FHIT: variants seen among roughly 807,000 people sequenced by gnomAD.
The protein encoded by FHIT is bis(5'-adenosyl)-triphosphatase.
A neutral mutation model predicts 17.9 loss-of-function variants in FHIT; 19 were observed. The observed-to-expected ratio is 1.06, with a 90% CI of 0.74 to 1.56. FHIT has a LOEUF of 1.56. FHIT is among the 40% of genes most tolerant of loss of function. The probability of loss-of-function intolerance (pLI) is 0.00; values close to 1 mark genes in which losing one functional copy is unlikely to be tolerated. For missense variants in FHIT, 248 were observed against 189.2 expected (o/e 1.31, Z -1.82); for synonymous variants, 81 against 69.7 (o/e 1.16, Z -0.81).
At position 59,922,252 on chromosome 3, in the gene FHIT, A is replaced by G; in HGVS notation, c.348+94T>C. 3.6e-6 allele frequency: 4 copies of G among 1,101,108 alleles called. No homozygotes were observed. The South Asian group carries it at 5.3e-5, about 15-fold the overall frequency. The allele number at this position is 1,101,108 out of a possible 1,614,324, so 68.2% of individuals were successfully genotyped here. A position where few individuals can be genotyped will look rare whatever the true frequency, so the allele number is the denominator to read the frequency against. On this transcript the variant is annotated intron_variant, in intron 8 of 9. Coordinates refer to ENST00000492590, the MANE Select transcript of FHIT (RefSeq NM_002012.4). ...CTGGCTAAATAGAATTCCATTTCAG[A>G]CCATATCTAGGGTAATACTTGATTC...
intron 5 of FHIT, among the ~76,000 whole-genome samples, chr3:60,118,783 G>C (rs112569237): frequency 0.028 from 3,167 of 114,816 alleles, 131 homozygotes; most frequent in African/African-American, 0.093. Flanking sequence ...GCGGGGGGGG[G>C]GGGGTGGTGA....
At chr3:60,295,414 G>GA (rs1708162882) in intron 5 of FHIT, among the ~76,000 whole-genome samples, 1 of 152,146 alleles carries the variant, frequency 6.6e-6, no homozygotes, top group Admixed American at 6.6e-5. Context: ...AGCTGAAGGA[G>GA]AAGGGGAGCC....
chr3:60,571,335 C>CAAAAAAAAAAAAAAAAAAA lies in FHIT; in HGVS notation c.-17-34375_-17-34357dup, dbSNP rs56094072. 1.6e-4 allele frequency among the ~76,000 whole-genome samples: 9 copies of CAAAAAAAAAAAAAAAAAAA among 54,672 alleles called. 2 individuals carry two copies. The highest frequency in any genetic ancestry group is 2.9e-4 in the Admixed American group (1 of 3,468). 35.9% of individuals were successfully genotyped at this position (54,672 alleles called of 152,430 possible). On this transcript the variant is annotated intron_variant, in intron 4 of 9. Coordinates refer to ENST00000492590, the MANE Select transcript of FHIT (RefSeq NM_002012.4). ...TGGGCAACAGGGCAAGACTCCATCGCAAAAAAAAAAAAAAAAAAAAAAAAA... is the reference window on the plus strand; with the variant it reads ...TGGGCAACAGGGCAAGACTCCATCGCAAAAAAAAAAAAAAAAAAAAAAAAAAAAAAAAAAAAAAAAAAAA...
At chr3:60,404,914 T>C (rs1701795020) in intron 5 of FHIT, among the ~76,000 whole-genome samples, 1 of 152,304 alleles carries the variant, frequency 6.6e-6, no homozygotes, top group African/African-American at 2.4e-5. Context: ...ATTCAGTTTC[T>C]GAACGATCAT....
chr3:60,700,543 AT>A (rs59119155), intron 4 of FHIT, among the ~76,000 whole-genome samples: 64 of 151,234 alleles, frequency 4.2e-4, no homozygotes, highest in Middle Eastern at 3.4e-3. Flanking sequence ...ATTTGTCTTG[AT>A]TTTTTTTTGC....
intron 7 of FHIT, among the ~76,000 whole-genome samples, chr3:59,935,921 T>C (rs3772447): frequency 0.49 from 74,749 of 152,112 alleles, 18,880 homozygotes; most frequent in East Asian, 0.9. Context: ...ATATGGTCTA[T>C]GAAGAGCCAT....
chr3:60,292,325 T>G (rs561873508), intron 5 of FHIT, among the ~76,000 whole-genome samples: 1 of 152,324 alleles, frequency 6.6e-6, no homozygotes, highest in African/African-American at 2.4e-5. Context: ...TATATTATAC[T>G]GTAGTCGGAT....
At chr3:60,424,979 A>T (rs1156489483) in intron 5 of FHIT, among the ~76,000 whole-genome samples, 1 of 152,134 alleles carries the variant, frequency 6.6e-6, no homozygotes, top group Non-Finnish European at 1.5e-5. Flanking sequence ...TCCCTTTAAC[A>T]TTATGGCACA....
chr3:60,638,907 A>G (rs2039657011), intron 4 of FHIT, among the ~76,000 whole-genome samples: 1 of 151,504 alleles, frequency 6.6e-6, no homozygotes. Flanking sequence ...GGCTTTCCTT[A>G]AAACATGACT....
chr3:60,100,836 TC>T (rs1303643466), intron 5 of FHIT, among the ~76,000 whole-genome samples: 2 of 139,532 alleles, frequency 1.4e-5, no homozygotes, highest in African/African-American at 4.9e-5. Flanking sequence ...GACCAACATC[TC>T]CTTGTTTCAT....
At chr3:61,184,763 T>A (rs946769134) in intron 2 of FHIT, among the ~76,000 whole-genome samples, 1 of 152,092 alleles carries the variant, frequency 6.6e-6, no homozygotes, top group South Asian at 2.1e-4. Flanking sequence ...TGTAGAGTCA[T>A]GAGAGAAGGT....
intron 3 of FHIT, among the ~76,000 whole-genome samples, chr3:61,001,386 A>G (rs1258350525): frequency 6.6e-6 from 1 of 152,236 alleles, no homozygotes; most frequent in Non-Finnish European, 1.5e-5. Context: ...TATTTGTAAT[A>G]CCCAAGAAAT....
rs570865269 is a variant in FHIT, at chr3:59,884,406, T to C, written c.348+37940A>G. On this transcript the variant is annotated intron_variant, in intron 8 of 9. Transcript: ENST00000492590. ...ATACACAAAAACCAGTTGTTAATAT[T>C]TACCAGCACACCACTGGATATCAAC... Among the ~76,000 whole-genome samples, 5 of 152,050 alleles carry C rather than the reference T, an allele frequency of 3.3e-5. No homozygotes were observed. The South Asian group carries it at 1.0e-3, about 32-fold the overall frequency.
chr3:60,190,698 G>A (rs1043956836), intron 5 of FHIT, among the ~76,000 whole-genome samples: 1 of 151,930 alleles, frequency 6.6e-6, no homozygotes, highest in African/African-American at 2.4e-5. Flanking sequence ...ACACCAGCAT[G>A]GCACATGTAT....
chr3:61,222,721 G>GTA (rs1292795187), intron 1 of FHIT, among the ~76,000 whole-genome samples: 4 of 152,118 alleles, frequency 2.6e-5, no homozygotes, highest in Non-Finnish European at 4.4e-5. Flanking sequence ...GAGGATTACA[G>GTA]TACTAGATAC....
chr3:61,203,349 CA>C (rs1181915724), intron 1 of FHIT, among the ~76,000 whole-genome samples: 6,501 of 112,400 alleles, frequency 0.058, 202 homozygotes, highest in African/African-American at 0.11. Context: ...AACTTTTTCT[CA>C]AAAAAAAAAA....
Position 60,169,302 on chromosome 3 carries a change from A to C in FHIT, c.104-155150T>G, listed in dbSNP as rs577880786. Among the ~76,000 whole-genome samples the C allele has an allele frequency of 1.4e-3, 211 of 152,292 alleles. 2 individuals are homozygous for C. Among genetic ancestry groups the C allele is most frequent in the South Asian group, 4.8e-3 (23 of 4,822 alleles). On this transcript the variant is annotated intron_variant, in intron 5 of 9. Transcript: ENST00000492590. ...TCTCACAGCTTTCAGGGGTACTGTAATACCCTGAAAACAGTGTGGTTATTC... is the reference window on the plus strand; with the variant it reads ...TCTCACAGCTTTCAGGGGTACTGTACTACCCTGAAAACAGTGTGGTTATTC...
chr3:60,451,692 C>CT (rs2031758354), intron 5 of FHIT, among the ~76,000 whole-genome samples: 2 of 152,244 alleles, frequency 1.3e-5, no homozygotes, highest in Admixed American at 1.3e-4. Flanking sequence ...ACAACTAAAA[C>CT]TAGTTCAACT....
At chr3:60,561,536 T>C (rs979039502) in intron 4 of FHIT, among the ~76,000 whole-genome samples, 26 of 151,510 alleles carry the variant, frequency 1.7e-4, no homozygotes, top group Non-Finnish European at 3.5e-4. Context: ...CAATCTGCAA[T>C]AGTCATCTGG....
Sources: gnomAD v4.1 joint callset for allele counts (sites outside exome capture counted in the v4.1 genomes callset) on GRCh38, gnomAD v4.1.1 for gene constraint, MANE v1.5 for transcripts, NCBI Gene and HGNC (gene_info 2026-07-23, HGNC 2026-07-21) for gene names.